Variants in KCNG3 observed in about 807,000 individuals in gnomAD.
KCNG3 encodes the protein potassium voltage-gated channel modifier subfamily G member 3.
Under a neutral mutation model 29.0 loss-of-function variants are expected in KCNG3, and 15 were observed. That is an observed-to-expected ratio of 0.52 (90% CI 0.35 to 0.80). The LOEUF (loss-of-function observed/expected upper bound fraction) is 0.80, where lower values mean the gene tolerates loss of function less well. Among genes scored for constraint, KCNG3 ranks in the 30% least tolerant of loss-of-function variants. KCNG3 has a pLI of 0.01. For missense variants in KCNG3, 512 were observed against 605.7 expected, an observed-to-expected ratio of 0.85 and a Z score of 1.62; for synonymous variants, 322 against 248.9, an observed-to-expected ratio of 1.29 and a Z score of -2.76.
chr2:42,407,013 T>C, the KCNG3 span, among the ~76,000 whole-genome samples: 1 of 151,818 alleles, frequency 6.6e-6, no homozygotes, highest in Non-Finnish European at 1.5e-5. Flanking sequence ...CATCAGAGAG[T>C]GGTCCACTGT....
At chr2:42,430,145 TC>T in the KCNG3 span, among the ~76,000 whole-genome samples, 3 of 152,192 alleles carry the variant, frequency 2.0e-5, no homozygotes, top group East Asian at 1.9e-4. Flanking sequence ...GGCAGGCAGA[TC>T]ACTTGAGCTC....
At chr2:42,440,415 T>C (rs994224461), downstream of KCNG3, 1 of 151,774 alleles carries the variant, frequency 6.6e-6, no homozygotes, top group African/African-American at 2.4e-5. Flanking sequence ...AGAAGGGATG[T>C]CTGAAATTCT....
At chr2:42,463,924 C>T in intron 1 of KCNG3, 1 of 337,170 alleles carries the variant, frequency 3.0e-6, no homozygotes, top group Non-Finnish European at 5.9e-6. Context: ...TTTTATTAAG[C>T]CTAATCCACA....
intron 1 of KCNG3, among the ~76,000 whole-genome samples, chr2:42,490,938 C>G (rs1013832400): frequency 6.6e-6 from 1 of 152,160 alleles, no homozygotes; most frequent in Admixed American, 6.6e-5. Context: ...CATCCTCATT[C>G]GGCCATCCTG....
At chr2:42,431,651 A>C in the KCNG3 span, among the ~76,000 whole-genome samples, 1 of 152,262 alleles carries the variant, frequency 6.6e-6, no homozygotes, top group Non-Finnish European at 1.5e-5. Flanking sequence ...GCTTGCAGAT[A>C]ATATTAAGCT....
the KCNG3 span, among the ~76,000 whole-genome samples, chr2:42,394,814 T>C: frequency 6.6e-6 from 1 of 152,228 alleles, no homozygotes; most frequent in Non-Finnish European, 1.5e-5. Flanking sequence ...CGACCTCCTG[T>C]CACCGGCACA....
At chr2:42,492,529 T>C (rs531588030) in intron 1 of KCNG3, among the ~76,000 whole-genome samples, 1 of 152,364 alleles carries the variant, frequency 6.6e-6, no homozygotes, top group African/African-American at 2.4e-5. Context: ...ATTAGCAGGT[T>C]GCTCTCTGCG....
At chr2:42,426,334 C>T in the KCNG3 span, among the ~76,000 whole-genome samples, 2 of 152,172 alleles carry the variant, frequency 1.3e-5, no homozygotes, top group African/African-American at 4.8e-5. Flanking sequence ...AACCATCATT[C>T]CTAAAACGCC....
At chr2:42,427,994 T>C in the KCNG3 span, among the ~76,000 whole-genome samples, 1 of 152,186 alleles carries the variant, frequency 6.6e-6, no homozygotes. Context: ...AATAATGTAC[T>C]CCAGATTTAT....
chr2:42,440,021 A>T (rs1470171895), downstream of KCNG3, among the ~76,000 whole-genome samples: 1 of 152,174 alleles, frequency 6.6e-6, no homozygotes, highest in East Asian at 1.9e-4. Context: ...CAGAGTACTA[A>T]GCCAAAAGTC....
In KCNG3 at chr2:42,443,995, T is replaced by C. The variant is rs896104557; in HGVS notation, c.1250A>G (p.His417Arg). The C allele has an allele frequency of 6.2e-7, 1 of 1,614,194 alleles. No homozygotes were observed. The highest frequency in any genetic ancestry group is 8.5e-7 in the Non-Finnish European group (1 of 1,180,038). ...FIYHSFVQCYHELKFRSARYS... is the reference protein window; with the variant it reads ...FIYHSFVQCYRELKFRSARYS... ...CCTAGCAGATCTAAACTTGAGCTCA[T>C]GATAACACTGCACAAAGCTATGGTA... is the stretch of plus-strand genomic sequence containing the variant. The change falls in exon 2 of 2, where the codon CAT becomes CGT. Residue 417 changes from histidine (H) to arginine (R), a missense_variant. His to Arg is a conservative substitution (Grantham distance 29, BLOSUM62 0). Transcript: ENST00000306078.
At chr2:42,471,937 A>G (rs900910389) in intron 1 of KCNG3, among the ~76,000 whole-genome samples, 5 of 152,066 alleles carry the variant, frequency 3.3e-5, no homozygotes, top group African/African-American at 1.2e-4. Context: ...AATATATTTC[A>G]TATCTACCAG....
chr2:42,413,586 T>A, the KCNG3 span: 2 of 152,224 alleles, frequency 1.3e-5, no homozygotes, highest in African/African-American at 4.8e-5. Context: ...TTTGTATTTT[T>A]ATTAGTCCGT....
chr2:42,467,006 G>C (rs987183355), intron 1 of KCNG3, among the ~76,000 whole-genome samples: 1 of 152,008 alleles, frequency 6.6e-6, no homozygotes, highest in Non-Finnish European at 1.5e-5. Flanking sequence ...GCCCGCCTCG[G>C]CCTCCCAAAG....
chr2:42,419,191 T>G, the KCNG3 span, among the ~76,000 whole-genome samples: 1 of 135,950 alleles, frequency 7.4e-6, no homozygotes, highest in Non-Finnish European at 1.6e-5. Flanking sequence ...ATTTCCCAGG[T>G]GGTCACAATA....
chr2:42,425,819 C>A, the KCNG3 span, among the ~76,000 whole-genome samples: 1 of 152,256 alleles, frequency 6.6e-6, no homozygotes, highest in East Asian at 1.9e-4. Flanking sequence ...ATTGTCACAG[C>A]CAGGAGACAC....
the KCNG3 span, among the ~76,000 whole-genome samples, chr2:42,405,270 T>C: frequency 6.6e-6 from 1 of 152,190 alleles, no homozygotes; most frequent in Non-Finnish European, 1.5e-5. Context: ...CTTTTCTTCC[T>C]CTCTTTTTCT....
At chr2:42,407,360 G>A in the KCNG3 span, among the ~76,000 whole-genome samples, 1 of 152,024 alleles carries the variant, frequency 6.6e-6, no homozygotes, top group Non-Finnish European at 1.5e-5. Flanking sequence ...AGAGGCGGGG[G>A]CTTTACCATG....
the KCNG3 span, among the ~76,000 whole-genome samples, chr2:42,406,749 C>T: frequency 6.7e-6 from 1 of 149,062 alleles, no homozygotes; most frequent in African/African-American, 2.5e-5. Context: ...ATTGCTTGAA[C>T]ATATGAGGCA....
Sources: gnomAD v4.1 joint callset for allele counts (sites outside exome capture counted in the v4.1 genomes callset) on GRCh38, gnomAD v4.1.1 for gene constraint, MANE v1.5 for transcripts, NCBI Gene and HGNC (gene_info 2026-07-23, HGNC 2026-07-21) for gene names.